SAE1: variants seen among roughly 807,000 people sequenced by gnomAD.
SAE1 encodes SUMO-activating enzyme subunit 1.
Under a neutral mutation model 40.6 loss-of-function variants are expected in SAE1, and 11 were observed. The observed-to-expected ratio is 0.27, with a 90% CI of 0.17 to 0.45. The LOEUF is 0.45. Among genes scored for constraint, SAE1 ranks in the 20% least tolerant of loss-of-function variants. The probability of loss-of-function intolerance (pLI) is 1.00; values close to 1 mark genes in which losing one functional copy is unlikely to be tolerated. For synonymous variants in SAE1, 155 were observed against 154.3 expected, an observed-to-expected ratio of 1.00 and a Z score of -0.03; for missense variants, 373 against 427.3, an observed-to-expected ratio of 0.87 and a Z score of 1.12.
intron 1 of SAE1, among the ~76,000 whole-genome samples, chr19:47,132,585 C>T (rs2058152878): frequency 1.3e-5 from 2 of 151,706 alleles, no homozygotes; most frequent in Non-Finnish European, 2.9e-5. Flanking sequence ...CCTCATTGAT[C>T]AATATTTTTA....
At chr19:47,138,808 C>A (rs2058198936) in intron 1 of SAE1, among the ~76,000 whole-genome samples, 1 of 151,976 alleles carries the variant, frequency 6.6e-6, no homozygotes, top group Non-Finnish European at 1.5e-5. Flanking sequence ...TTAGTGAGGC[C>A]CCATTTCAAT....
At chr19:47,159,913 C>T (rs912230341) in intron 5 of SAE1, among the ~76,000 whole-genome samples, 2 of 152,110 alleles carry the variant, frequency 1.3e-5, no homozygotes, top group African/African-American at 2.4e-5. Flanking sequence ...AGGCTGGTCT[C>T]GAACTCCTGG....
In SAE1 at chr19:47,189,611, TACGTTCA is replaced by T. The variant is rs1600203635; in HGVS notation, c.734-7621_734-7615del. On this transcript the variant is annotated intron_variant, in intron 6 of 8. Coordinates refer to ENST00000270225, the MANE Select transcript of SAE1 (RefSeq NM_005500.3). ...AGTGAGCCAACCCTGGGGAGGAGTC[TACGTTCA>T]GCTGCAGGGAGCCAGGGAATTGGGG... Among the ~76,000 whole-genome samples, 11 of 152,188 alleles carry T rather than the reference TACGTTCA, an allele frequency of 7.2e-5. No homozygotes were observed. In the East Asian group the frequency reaches 1.9e-3, roughly 27 times the overall value.
intron 5 of SAE1, among the ~76,000 whole-genome samples, chr19:47,163,569 AAT>A (rs1395508763): frequency 6.6e-6 from 1 of 152,016 alleles, no homozygotes; most frequent in Non-Finnish European, 1.5e-5. Flanking sequence ...CTCTAACAGA[AAT>A]ACAAAATTAG....
At chr19:47,186,925 C>T (rs1185593817) in intron 6 of SAE1, among the ~76,000 whole-genome samples, 1 of 152,180 alleles carries the variant, frequency 6.6e-6, no homozygotes, top group Non-Finnish European at 1.5e-5. Flanking sequence ...CGAGCCTGCC[C>T]TCTAGAGACT....
At chr19:47,201,644 T>A (rs570916873) in intron 7 of SAE1, among the ~76,000 whole-genome samples, 49 of 151,344 alleles carry the variant, frequency 3.2e-4, no homozygotes, top group Admixed American at 1.1e-3. Flanking sequence ...GGAGTTTTTT[T>A]AATTATTATT....
At chr19:47,172,847 G>A (rs560464736) in intron 6 of SAE1, among the ~76,000 whole-genome samples, 4 of 152,068 alleles carry the variant, frequency 2.6e-5, no homozygotes, top group Admixed American at 6.6e-5. Context: ...TGTGCCGGGC[G>A]TTTTCCATGT....
chr19:47,178,552 C>G (rs2058484678), intron 6 of SAE1, among the ~76,000 whole-genome samples: 1 of 152,234 alleles, frequency 6.6e-6, no homozygotes, highest in East Asian at 1.9e-4. Flanking sequence ...CAGCTCATTG[C>G]AACCTCCGCC....
chr19:47,181,231 G>A (rs1433847537), intron 6 of SAE1, among the ~76,000 whole-genome samples: 18 of 152,016 alleles, frequency 1.2e-4, no homozygotes, highest in African/African-American at 3.9e-4. Context: ...CAGGAGAATC[G>A]CTTGAACCCA....
rs142826533 is a variant in SAE1 at position 47,187,179 on chromosome 19, T to TC, written c.734-10054_734-10053insC. Among the ~76,000 whole-genome samples the TC allele has an allele frequency of 7.1e-3, 1,076 of 152,280 alleles. 10 individuals are homozygous for TC. Among genetic ancestry groups the TC allele is most frequent in the African/African-American group, 0.025 (1,040 of 41,556 alleles). On this transcript the variant is annotated intron_variant, in intron 6 of 8. Coordinates refer to ENST00000270225, the MANE Select transcript of SAE1 (RefSeq NM_005500.3). Reference sequence around the variant, plus strand: ...CAGATGGCAAGATGCCGTGAATGGTTAGAGGCCAGGAGAGCCAGAATCAGA... The same window carrying TC: ...CAGATGGCAAGATGCCGTGAATGGTTCAGAGGCCAGGAGAGCCAGAATCAGA...
At chr19:47,203,292 A>G (rs558410994) in intron 7 of SAE1, among the ~76,000 whole-genome samples, 5 of 152,310 alleles carry the variant, frequency 3.3e-5, no homozygotes, top group Admixed American at 3.3e-4. Context: ...GTCTGGGAAT[A>G]GCATATAGAA....
chr19:47,153,088 T>C (rs1024175162), intron 4 of SAE1, 48 bp downstream of exon 4: 12 of 1,493,124 alleles, frequency 8.0e-6, no homozygotes, highest in African/African-American at 1.4e-5. Context: ...CTCCTTTTTA[T>C]ACTTTTTTTT....
intron 1 of SAE1, among the ~76,000 whole-genome samples, chr19:47,136,537 C>T (rs752571713): frequency 1.3e-5 from 2 of 150,534 alleles, no homozygotes; most frequent in Admixed American, 6.6e-5. Flanking sequence ...CTCTTGTTAC[C>T]CAGACTGGAG....
At chr19:47,137,205 A>G (rs984770276) in intron 1 of SAE1, among the ~76,000 whole-genome samples, 1 of 151,996 alleles carries the variant, frequency 6.6e-6, no homozygotes, top group African/African-American at 2.4e-5. Context: ...CCTGGCCAAC[A>G]TGGTGACCGT....
chr19:47,192,914 T>G lies in SAE1; in HGVS notation c.734-4319T>G, dbSNP rs957143751. ...CAGTACTTGCCACTTCTGCAGTCAT[T>G]TCTCTACCCTGCCCCAAAATGGTTA... On this transcript the variant is annotated intron_variant, in intron 6 of 8. Coordinates refer to ENST00000270225, the MANE Select transcript of SAE1 (RefSeq NM_005500.3). Among the ~76,000 whole-genome samples the G allele has an allele frequency of 3.3e-5, 5 of 152,230 alleles. No individual in the cohort carries two copies. In the East Asian group the frequency reaches 9.7e-4, roughly 29 times the overall value.
chr19:47,186,870 A>C (rs924801840), intron 6 of SAE1, among the ~76,000 whole-genome samples: 5 of 152,154 alleles, frequency 3.3e-5, no homozygotes, highest in African/African-American at 1.2e-4. Flanking sequence ...TTTCTAGAGA[A>C]AGACATGAAA....
intron 8 of SAE1, among the ~76,000 whole-genome samples, chr19:47,206,402 C>T (rs149873232): frequency 4.4e-4 from 67 of 152,342 alleles, no homozygotes; most frequent in African/African-American, 1.5e-3. Flanking sequence ...CCTTTCTCTC[C>T]TGAGGCACTG....
intron 2 of SAE1, among the ~76,000 whole-genome samples, chr19:47,144,653 C>T (rs537782633): frequency 1.2e-4 from 18 of 150,052 alleles, no homozygotes; most frequent in Admixed American, 2.0e-4. Flanking sequence ...GAGCCGAGAT[C>T]ATGCCACTGC....
chr19:47,164,887 C>T (rs1045883769), intron 5 of SAE1, among the ~76,000 whole-genome samples: 1 of 151,466 alleles, frequency 6.6e-6, no homozygotes, highest in African/African-American at 2.4e-5. Context: ...CTCCTGACCT[C>T]GTGATCCGCC....
Sources: gnomAD v4.1 joint callset for allele counts (sites outside exome capture counted in the v4.1 genomes callset) on GRCh38, gnomAD v4.1.1 for gene constraint, MANE v1.5 for transcripts, NCBI Gene and HGNC (gene_info 2026-07-23, HGNC 2026-07-21) for gene names.